Variants in AMOTL1 observed in about 807,000 individuals in gnomAD.
AMOTL1 encodes angiomotin like 1.
A neutral mutation model predicts 102.9 loss-of-function variants in AMOTL1; 45 were observed. The ratio of observed to expected loss-of-function variants is 0.44; its 90% CI spans 0.34 to 0.56. The LOEUF (loss-of-function observed/expected upper bound fraction) is 0.56, where lower values mean the gene tolerates loss of function less well. Ranked by LOEUF, AMOTL1 falls within the 20% of genes least tolerant of loss-of-function variation. AMOTL1 has a pLI of 0.01. For synonymous variants in AMOTL1, 481 were observed against 484.7 expected (o/e 0.99, Z 0.10); for missense variants, 1,114 against 1,225.6 (o/e 0.91, Z 1.36).
At chr11:94,856,457 G>T (rs115367651) in intron 8 of AMOTL1, among the ~76,000 whole-genome samples, 6,454 of 152,084 alleles carry the variant, frequency 0.042, 424 homozygotes, top group African/African-American at 0.15. Flanking sequence ...GGGCTGGTCT[G>T]GGGGGCAGCT....
intron 3 of AMOTL1, among the ~76,000 whole-genome samples, chr11:94,741,521 A>G (rs1014787501): frequency 1.1e-4 from 17 of 152,232 alleles, no homozygotes; most frequent in African/African-American, 4.1e-4. Flanking sequence ...TCTATTCCTC[A>G]GTTAGCCTGT....
intron 5 of AMOTL1, among the ~76,000 whole-genome samples, chr11:94,830,839 C>T (rs1228759733): frequency 2.6e-5 from 4 of 152,196 alleles, no homozygotes; most frequent in African/African-American, 7.2e-5. Context: ...CCTGGTAGTA[C>T]CCAGTAGCTA....
Position 94,799,261 on chromosome 11 carries a change from T to A in AMOTL1, c.200-129T>A, listed in dbSNP as rs1951422895. 1.0e-5 allele frequency: 8 copies of A among 781,360 alleles called. No homozygotes were observed. In the Admixed American group the frequency reaches 1.5e-4, roughly 15 times the overall value. The allele number at this position is 781,360 out of a possible 1,614,324, so 48.4% of individuals were successfully genotyped here. On this transcript the variant is annotated intron_variant, in intron 2 of 12. Coordinates refer to ENST00000433060, the MANE Select transcript of AMOTL1 (RefSeq NM_130847.3). This position sits in a 1 kb window ranked among gnomAD's most constrained non-coding sequence, Gnocchi z 4.5. ...TGAGACATTGCCAGGTAAATGGAGGTGATGATGCATTTGAAATCTTATTTT... is the reference window on the plus strand; with the variant it reads ...TGAGACATTGCCAGGTAAATGGAGGAGATGATGCATTTGAAATCTTATTTT...
At chr11:94,816,569 A>G (rs944277741) in intron 3 of AMOTL1, among the ~76,000 whole-genome samples, 4 of 152,132 alleles carry the variant, frequency 2.6e-5, no homozygotes, top group African/African-American at 9.7e-5. Flanking sequence ...TTCCTTTGCC[A>G]TTGTTATTAA....
intron 1 of AMOTL1, among the ~76,000 whole-genome samples, chr11:94,778,003 T>G (rs1565348028): frequency 6.6e-6 from 1 of 152,238 alleles, no homozygotes; most frequent in Admixed American, 6.5e-5. Flanking sequence ...ATTCATATTC[T>G]ATAAAAGGAA....
At chr11:94,706,552 A>G (rs1431263100) in exon 1 of AMOTL1, 2 of 152,228 alleles carry the variant, frequency 1.3e-5, no homozygotes, top group Non-Finnish European at 1.5e-5. Flanking sequence ...CACTTCTGTT[A>G]GAACTTAGTA....
intron 9 of AMOTL1, among the ~76,000 whole-genome samples, chr11:94,862,954 A>G (rs1404429407): frequency 6.6e-6 from 1 of 152,112 alleles, no homozygotes; most frequent in Non-Finnish European, 1.5e-5. Context: ...ATCTTTACTC[A>G]TCTTTGCTGA....
rs777663345 is a variant in AMOTL1 at position 94,871,853 on chromosome 11, G to A, written c.*1058G>A. The A allele has an allele frequency of 1.3e-5, 2 of 152,018 alleles. No individual in the cohort carries two copies. The highest frequency in any genetic ancestry group is 2.4e-5 in the African/African-American group (1 of 41,364). 9.4% of individuals were successfully genotyped at this position (152,018 alleles called of 1,614,324 possible). A position where few individuals can be genotyped will look rare whatever the true frequency, so the allele number is the denominator to read the frequency against. ...ATTGCTCTGTTTGGGGAAGACTTAG[G>A]ACAGCACTCCAGGAAACAGATGACA... is the stretch of plus-strand genomic sequence containing the variant. On this transcript the variant is annotated 3_prime_UTR_variant, in exon 13 of 13. Coordinates refer to ENST00000433060, the MANE Select transcript of AMOTL1 (RefSeq NM_130847.3).
intron 1 of AMOTL1, among the ~76,000 whole-genome samples, chr11:94,712,130 A>T (rs1017014536): frequency 6.6e-6 from 1 of 151,962 alleles, no homozygotes; most frequent in Non-Finnish European, 1.5e-5. Flanking sequence ...TTTTTATTTT[A>T]GTCATTCTGA....
intron 3 of AMOTL1, among the ~76,000 whole-genome samples, chr11:94,748,334 A>G (rs539937026): frequency 1.3e-5 from 2 of 152,326 alleles, no homozygotes; most frequent in Admixed American, 1.3e-4. Context: ...ACGAGGGAGA[A>G]GGAAAGTGGT....
At chr11:94,823,984 G>A (rs186009708) in intron 4 of AMOTL1, among the ~76,000 whole-genome samples, 1 of 152,114 alleles carries the variant, frequency 6.6e-6, no homozygotes, top group East Asian at 1.9e-4. Context: ...CTCCCAAAGT[G>A]CTAGGATTAA....
At chr11:94,711,241 A>G (rs1950017906) in intron 1 of AMOTL1, among the ~76,000 whole-genome samples, 1 of 151,248 alleles carries the variant, frequency 6.6e-6, no homozygotes, top group African/African-American at 2.4e-5. Context: ...TTTTGTAAAC[A>G]AAGAATCATG....
chr11:94,865,777 A>T (rs576181496), intron 10 of AMOTL1, among the ~76,000 whole-genome samples, 165 bp from the exon 11 acceptor site: 19 of 152,264 alleles, frequency 1.2e-4, no homozygotes, highest in African/African-American at 4.6e-4. Context: ...ATGACAAAAG[A>T]CCTGTCTTAA....
chr11:94,728,903 A>T, intron 1 of AMOTL1: 2 of 1,117,790 alleles, frequency 1.8e-6, no homozygotes, highest in Admixed American at 2.7e-5. Flanking sequence ...CCTTTTTTAT[A>T]TTCATTATTT....
chr11:94,712,952 T>G (rs1172916957), intron 1 of AMOTL1, among the ~76,000 whole-genome samples: 3 of 152,004 alleles, frequency 2.0e-5, no homozygotes, highest in Non-Finnish European at 2.9e-5. Flanking sequence ...CCTAAAAGAT[T>G]TATAGTTTTA....
intron 3 of AMOTL1, among the ~76,000 whole-genome samples, chr11:94,758,776 T>C (rs1950758515): frequency 6.6e-6 from 1 of 152,200 alleles, no homozygotes; most frequent in Non-Finnish European, 1.5e-5. Context: ...TTTGAATGAC[T>C]GTGAAAACAT....
upstream of AMOTL1, among the ~76,000 whole-genome samples, chr11:94,765,285 G>A (rs1454975147): frequency 6.6e-6 from 1 of 152,160 alleles, no homozygotes; most frequent in Non-Finnish European, 1.5e-5. Context: ...TGTTAGTGAA[G>A]GTGTGTTCAA....
intron 6 of AMOTL1, among the ~76,000 whole-genome samples, chr11:94,842,785 C>T (rs1283428074): frequency 1.3e-5 from 2 of 152,188 alleles, no homozygotes; most frequent in African/African-American, 4.8e-5. Flanking sequence ...GGTTCATCTT[C>T]AGAACTCCTC....
intron 1 of AMOTL1, among the ~76,000 whole-genome samples, chr11:94,788,850 C>T (rs1951236337): frequency 1.3e-5 from 2 of 152,218 alleles, no homozygotes. Flanking sequence ...AAACTTCAGA[C>T]AAGTTTGAAG....
Sources: gnomAD v4.1 joint callset for allele counts (sites outside exome capture counted in the v4.1 genomes callset) on GRCh38, gnomAD v4.1.1 for gene constraint, Gnocchi (gnomAD v3.1) non-coding constraint, MANE v1.5 for transcripts, NCBI Gene and HGNC (gene_info 2026-07-23, HGNC 2026-07-21) for gene names.